SLC22A23: variants seen among roughly 807,000 people sequenced by gnomAD.
SLC22A23 encodes solute carrier family 22 member 23, also known as ion transporter protein.
In SLC22A23, 26 loss-of-function variants were observed where a neutral mutation model predicts 61.0. The ratio of observed to expected loss-of-function variants is 0.43; its 90% CI spans 0.31 to 0.59. The LOEUF is 0.59. Among genes scored for constraint, SLC22A23 ranks in the 20% least tolerant of loss-of-function variants. The pLI is 0.11. For missense variants in SLC22A23, 796 were observed against 934.7 expected (o/e 0.85, Z 1.94); for synonymous variants, 430 against 413.9 (o/e 1.04, Z -0.47).
chr6:3,382,039 C>T (rs62391763), intron 3 of SLC22A23, among the ~76,000 whole-genome samples: 8,310 of 152,332 alleles, frequency 0.055, 256 homozygotes, highest in Middle Eastern at 0.068. Flanking sequence ...AGGGGAATAA[C>T]TCAGTGGAGG....
At chr6:3,455,623 G>A (rs77537533) in intron 1 of SLC22A23, among the ~76,000 whole-genome samples, 2,041 of 152,336 alleles carry the variant, frequency 0.013, 49 homozygotes, top group African/African-American at 0.047. Flanking sequence ...GAGGGGGCTG[G>A]TGACAGGTCA....
intron 1 of SLC22A23, among the ~76,000 whole-genome samples, chr6:3,420,490 G>A (rs933183789): frequency 6.6e-6 from 1 of 151,956 alleles, no homozygotes; most frequent in African/African-American, 2.4e-5. Context: ...TAAAAAAATT[G>A]GAAGCAAATA....
At chr6:3,383,985 G>C (rs1767120915) in intron 3 of SLC22A23, among the ~76,000 whole-genome samples, 1 of 152,210 alleles carries the variant, frequency 6.6e-6, no homozygotes, top group African/African-American at 2.4e-5. Context: ...AAGTCCCTCA[G>C]GTTTCTGCTG....
chr6:3,379,722 T>A (rs1225665463), intron 3 of SLC22A23, among the ~76,000 whole-genome samples: 1 of 152,008 alleles, frequency 6.6e-6, no homozygotes, highest in African/African-American at 2.4e-5. Flanking sequence ...CCTAAACCTT[T>A]GCAGCATGTG....
At chr6:3,331,110 G>A (rs1262471471) in intron 3 of SLC22A23, among the ~76,000 whole-genome samples, 2 of 152,202 alleles carry the variant, frequency 1.3e-5, no homozygotes, top group Non-Finnish European at 2.9e-5. Context: ...TTACATGAGA[G>A]GACCCTGAAA....
chr6:3,379,443 G>C (rs1408370211), intron 3 of SLC22A23, among the ~76,000 whole-genome samples: 2 of 152,146 alleles, frequency 1.3e-5, no homozygotes, highest in African/African-American at 4.8e-5. Context: ...ATGGAACGCT[G>C]TCACAGAACT....
At chr6:3,346,411 AC>A (rs1224522395) in intron 3 of SLC22A23, among the ~76,000 whole-genome samples, 1 of 151,680 alleles carries the variant, frequency 6.6e-6, no homozygotes. Flanking sequence ...GGGGGCAGCA[AC>A]CCCTTCCTCC....
chr6:3,336,284 T>G (rs1763855386), intron 3 of SLC22A23, among the ~76,000 whole-genome samples: 1 of 152,158 alleles, frequency 6.6e-6, no homozygotes. Flanking sequence ...AGACAGCACC[T>G]CCATGCCACG....
intron 3 of SLC22A23, among the ~76,000 whole-genome samples, chr6:3,339,359 G>A (rs969869095): frequency 5.9e-5 from 9 of 152,118 alleles, no homozygotes; most frequent in African/African-American, 1.9e-4. Context: ...TTCCCCAGGT[G>A]CAGCTGAGTT....
intron 3 of SLC22A23, among the ~76,000 whole-genome samples, chr6:3,373,241 C>A (rs1404721806): frequency 6.6e-6 from 1 of 152,224 alleles, no homozygotes; most frequent in Admixed American, 6.5e-5. Flanking sequence ...CAACCCTGGA[C>A]ATGTGTTGTC....
In SLC22A23 at chr6:3,297,943, T is replaced by G; in HGVS notation, c.1210+148A>C. 1.2e-6 allele frequency: 1 copy of G among 842,958 alleles called. No homozygotes were observed. The highest frequency in any genetic ancestry group is 1.7e-6 in the Non-Finnish European group (1 of 584,414). The allele number at this position is 842,958 out of a possible 1,614,324, so 52.2% of individuals were successfully genotyped here. On this transcript the variant is annotated intron_variant, in intron 5 of 9. Transcript: ENST00000406686. This position sits in a 1 kb window ranked among gnomAD's most constrained non-coding sequence, Gnocchi z 4.3. ...CTAGAAAATGGAGAGAATGTCAAGG[T>G]TGCCACATTGCCCTTGTGCAGGCCA...
intron 3 of SLC22A23, among the ~76,000 whole-genome samples, chr6:3,363,109 G>A (rs1188546991): frequency 1.3e-5 from 2 of 152,214 alleles, no homozygotes. Flanking sequence ...GCTCAGCTGG[G>A]ACATGAGGCA....
At chr6:3,284,086 A>G (rs961935115) in intron 8 of SLC22A23, 111 bp from the exon 9 acceptor site, 1 of 1,091,772 alleles carries the variant, frequency 9.2e-7, no homozygotes. Flanking sequence ...AGCTTGCGGC[A>G]TGGATGGGTA....
Position 3,286,719 on chromosome 6 carries a change from A to G in SLC22A23, c.1546+140T>C, listed in dbSNP as rs1191407084. On this transcript the variant is annotated intron_variant, in intron 7 of 9. Transcript: ENST00000406686. This position sits in a 1 kb window ranked among gnomAD's most constrained non-coding sequence, Gnocchi z 4.2. The stretch of plus-strand genomic sequence containing the variant: ...GGGCTCCACAGATGCTCTCAACTGA[A>G]GCTCTGTTCTCCCCAAAGCAGCTCC... The G allele has an allele frequency of 1.6e-5, 12 of 768,924 alleles. No homozygotes were observed. Among genetic ancestry groups the G allele is most frequent in the Middle Eastern group, 6.3e-4 (2 of 3,198 alleles). The allele number at this position is 768,924 out of a possible 1,614,324, so 47.6% of individuals were successfully genotyped here.
At position 3,415,762 on chromosome 6, in the gene SLC22A23, T is replaced by C; in HGVS notation, c.748A>G (p.Ile250Val). The change falls in exon 2 of 10, where the codon ATT becomes GTT. Residue 250 changes from isoleucine to valine, a missense_variant. Physicochemically the swap from Ile to Val is conservative, Grantham distance 29. Transcript: ENST00000406686. The stretch of plus-strand genomic sequence containing the variant: ...CATGTTGGTACTCACCAGTCAGCAA[T>C]GCATCCAGTTATTAGGTAGCCAAAG... ...LIFGYLITGCIADWVGRRPVL... is the reference protein window; with the variant it reads ...LIFGYLITGCVADWVGRRPVL... 1 of 1,551,392 alleles carries C rather than the reference T, an allele frequency of 6.4e-7. No homozygotes were observed. The highest frequency in any genetic ancestry group is 8.7e-7 in the Non-Finnish European group (1 of 1,146,568).
At chr6:3,283,674 G>T in intron 9 of SLC22A23, 178 bp downstream of exon 9, 2 of 1,032,980 alleles carry the variant, frequency 1.9e-6, no homozygotes, top group Non-Finnish European at 2.8e-6. Flanking sequence ...GGTTCTCACT[G>T]CCTCTTGGGC....
chr6:3,283,769 T>G, intron 9 of SLC22A23, 83 bp downstream of exon 9: 2 of 1,591,258 alleles, frequency 1.3e-6, no homozygotes, highest in Non-Finnish European at 1.7e-6. Context: ...TGACGCTGGT[T>G]AATCCCACAC....
At position 3,285,101 on chromosome 6, in the gene SLC22A23, C is replaced by T. The variant is rs142998653; in HGVS notation, c.1557G>A (p.Lys519=). The T allele has an allele frequency of 2.1e-5, 34 of 1,613,504 alleles. No individual in the cohort carries two copies. In the African/African-American group the frequency reaches 4.1e-4, roughly 20 times the overall value. The part of the protein sequence containing the change: ...LQLGLLNLIG[K]YSQHPDSGMS... ...CACCTGAGTCTGGGTGCTGGCTGTA[C>T]TTTCCAATCACTGGACCCGCAGACA... Residue 519 remains lysine (K), a synonymous_variant, in exon 8 of 10, where the codon AAG becomes AAA. Coordinates refer to ENST00000406686, the MANE Select transcript of SLC22A23 (RefSeq NM_015482.2).
intron 4 of SLC22A23, among the ~76,000 whole-genome samples, chr6:3,299,478 C>T (rs552058198): frequency 8.5e-5 from 13 of 152,134 alleles, no homozygotes; most frequent in South Asian, 6.2e-4. Context: ...CAGTGGTTTT[C>T]GAGTTTTACC....
Sources: gnomAD v4.1 joint callset for allele counts (sites outside exome capture counted in the v4.1 genomes callset) on GRCh38, gnomAD v4.1.1 for gene constraint, Gnocchi (gnomAD v3.1) non-coding constraint, MANE v1.5 for transcripts, NCBI Gene and HGNC (gene_info 2026-07-23, HGNC 2026-07-21) for gene names.